The following CAMTA1 variants were observed in gnomAD, a reference collection of about 807,000 sequenced individuals.
The protein encoded by CAMTA1 is calmodulin binding transcription activator 1, also known as calmodulin-binding transcription activator 1.
CAMTA1 carries 27 observed loss-of-function variants against 170.9 expected under a neutral mutation model. That is an observed-to-expected ratio of 0.16 (90% CI 0.12 to 0.22). The LOEUF is 0.22. CAMTA1 is among the 10% of genes least tolerant of loss of function. The probability of loss-of-function intolerance (pLI) is 1.00; values close to 1 mark genes in which losing one functional copy is unlikely to be tolerated. For missense variants in CAMTA1, 1,619 were observed against 2,217.2 expected (o/e 0.73, Z 5.42); for synonymous variants, 833 against 891.5 (o/e 0.93, Z 1.17).
At chr1:6,875,353 G>A (rs574681505) in intron 3 of CAMTA1, among the ~76,000 whole-genome samples, 57 of 152,134 alleles carry the variant, frequency 3.7e-4, no homozygotes, top group East Asian at 1.4e-3. Flanking sequence ...GTGCAGTGGC[G>A]CGATCTCAGC....
At chr1:6,936,689 A>C (rs1685360165) in intron 3 of CAMTA1, among the ~76,000 whole-genome samples, 1 of 152,162 alleles carries the variant, frequency 6.6e-6, no homozygotes, top group South Asian at 2.1e-4. Flanking sequence ...ACCAGAAGTT[A>C]CTATAAACCA....
Position 7,545,884 on chromosome 1 carries a change from A to G in CAMTA1, c.510+77983A>G, listed in dbSNP as rs144029792. On this transcript the variant is annotated intron_variant, in intron 6 of 22. Coordinates refer to ENST00000303635, the MANE Select transcript of CAMTA1 (RefSeq NM_015215.4). ...CCCAGTGTGTGTTGTCCCCCCGGACATGTCCATGTGTTCTCATTGTTCAGC... is the reference window on the plus strand; with the variant it reads ...CCCAGTGTGTGTTGTCCCCCCGGACGTGTCCATGTGTTCTCATTGTTCAGC... 2.5e-3 allele frequency among the ~76,000 whole-genome samples: 357 copies of G among 143,050 alleles called. 5 individuals are homozygous for G. The East Asian group carries it at 0.031, about 13-fold the overall frequency. 93.8% of individuals were successfully genotyped at this position (143,050 alleles called of 152,430 possible). A position where few individuals can be genotyped will look rare whatever the true frequency, so the allele number is the denominator to read the frequency against.
intron 3 of CAMTA1, among the ~76,000 whole-genome samples, chr1:6,893,206 A>G (rs1186260552): frequency 6.6e-6 from 1 of 152,120 alleles, no homozygotes. Flanking sequence ...GGTTGCAGTC[A>G]GCCGAGATCG....
intron 3 of CAMTA1, among the ~76,000 whole-genome samples, chr1:6,870,587 G>A (rs1444929620): frequency 6.6e-6 from 1 of 152,146 alleles, no homozygotes; most frequent in Non-Finnish European, 1.5e-5. Context: ...TTGGAATTTA[G>A]TTTTAACAAG....
In CAMTA1 at chr1:7,286,914, C is replaced by T. The variant is rs997266078; in HGVS notation, c.438+37288C>T. 1.3e-5 allele frequency among the ~76,000 whole-genome samples: 2 copies of T among 152,280 alleles called. No homozygotes were observed. Among genetic ancestry groups the T allele is most frequent in the African/African-American group, 2.4e-5 (1 of 41,560 alleles). ...TTGTTATGGAGAGTTTAGCTCAGTGCCTTCCATCGACTTGACACTCAGTAA... is the reference window on the plus strand; with the variant it reads ...TTGTTATGGAGAGTTTAGCTCAGTGTCTTCCATCGACTTGACACTCAGTAA... On this transcript the variant is annotated intron_variant, in intron 5 of 22. Coordinates refer to ENST00000303635, the MANE Select transcript of CAMTA1 (RefSeq NM_015215.4). The surrounding 1 kb of genome is among the most constrained non-coding windows in gnomAD (Gnocchi z 4.2).
At chr1:7,135,883 A>G (rs1267405824) in intron 4 of CAMTA1, among the ~76,000 whole-genome samples, 2 of 152,180 alleles carry the variant, frequency 1.3e-5, no homozygotes, top group Non-Finnish European at 2.9e-5. Context: ...CCAACCTGGA[A>G]ATCTCAGTTG....
intron 6 of CAMTA1, among the ~76,000 whole-genome samples, chr1:7,571,415 C>T (rs909929843): frequency 6.6e-6 from 1 of 152,210 alleles, no homozygotes; most frequent in Admixed American, 6.5e-5. Flanking sequence ...GTTTGGCCTA[C>T]AGATTATTTC....
intron 4 of CAMTA1, among the ~76,000 whole-genome samples, chr1:7,213,588 A>G (rs986183488): frequency 7.2e-6 from 1 of 139,558 alleles, no homozygotes; most frequent in Non-Finnish European, 1.5e-5. Context: ...CAGAGCAAAT[A>G]TTTTTTTTCT....
chr1:7,304,836 A>AT (rs1337045273), intron 5 of CAMTA1, among the ~76,000 whole-genome samples: 3 of 151,666 alleles, frequency 2.0e-5, no homozygotes, highest in Non-Finnish European at 4.4e-5. Flanking sequence ...GCTTTTTAAT[A>AT]TTTTTTCTAG....
intron 6 of CAMTA1, among the ~76,000 whole-genome samples, chr1:7,587,323 C>T (rs1371994403): frequency 6.6e-6 from 1 of 152,038 alleles, no homozygotes; most frequent in African/African-American, 2.4e-5. Context: ...CACCCTTTCC[C>T]CACTTCTGGA....
intron 5 of CAMTA1, among the ~76,000 whole-genome samples, chr1:7,399,827 C>G (rs1312999548): frequency 6.6e-6 from 1 of 152,162 alleles, no homozygotes; most frequent in Admixed American, 6.5e-5. Flanking sequence ...AAGGTTTGTG[C>G]TGAGAAATCT....
At chr1:6,818,393 T>C (rs2148431730) in intron 1 of CAMTA1, among the ~76,000 whole-genome samples, 1 of 152,272 alleles carries the variant, frequency 6.6e-6, no homozygotes, top group Non-Finnish European at 1.5e-5. Flanking sequence ...TCCTGTTTGT[T>C]CTTAGAAAAT....
At position 7,013,491 on chromosome 1, in the gene CAMTA1, G is replaced by A. The variant is rs143789218; in HGVS notation, c.235-77813G>A. Among the ~76,000 whole-genome samples the A allele has an allele frequency of 5.1e-3, 783 of 152,238 alleles. 4 individuals are homozygous for A. Among genetic ancestry groups the A allele is most frequent in the Middle Eastern group, 0.014 (4 of 294 alleles). ...GTCTCTCAAAGTGCTGGGATTACAG[G>A]CGTGAGCCACCACACCTGGCCCCTT... On this transcript the variant is annotated intron_variant, in intron 3 of 22. Transcript: ENST00000303635.
intron 4 of CAMTA1, among the ~76,000 whole-genome samples, chr1:7,130,960 C>CTT (rs1026936946): frequency 6.9e-6 from 1 of 144,276 alleles, no homozygotes; most frequent in African/African-American, 2.5e-5. Context: ...CTTTTCTTTT[C>CTT]TTTTTTTTTT....
rs1350233647 is a variant in CAMTA1 at position 7,680,225 on chromosome 1, C to A, written c.2914+2492C>A. On this transcript the variant is annotated intron_variant, in intron 11 of 22. Transcript: ENST00000303635. The surrounding 1 kb of genome is among the most constrained non-coding windows in gnomAD (Gnocchi z 4.4). ...CAGTGGCCGGGCGGTGGTGAGCCTT[C>A]CGTTCCCCGCCTGTCCCTCCCGGCC... The A allele has an allele frequency of 3.7e-6, 1 of 269,140 alleles. No individual in the cohort carries two copies. The highest frequency in any genetic ancestry group is 8.1e-6 in the Non-Finnish European group (1 of 122,828). 16.7% of individuals were successfully genotyped at this position (269,140 alleles called of 1,614,324 possible).
At chr1:7,741,747 T>G (rs1174939015) in intron 16 of CAMTA1, among the ~76,000 whole-genome samples, 2 of 151,718 alleles carry the variant, frequency 1.3e-5, no homozygotes, top group Non-Finnish European at 2.9e-5. Flanking sequence ...ATACAAAAAT[T>G]AGCCAGGTGT....
At chr1:7,741,870 C>T (rs934873181) in intron 16 of CAMTA1, among the ~76,000 whole-genome samples, 3 of 151,560 alleles carry the variant, frequency 2.0e-5, no homozygotes, top group African/African-American at 7.3e-5. Flanking sequence ...ATCTCCTGAC[C>T]TTGTGATCTG....
At chr1:7,751,459 C>T (rs746082597) in intron 20 of CAMTA1, 67 bp downstream of exon 20, 166 of 1,398,030 alleles carry the variant, frequency 1.2e-4, no homozygotes, top group Non-Finnish European at 1.2e-4. Context: ...CTTTGAAAGA[C>T]TTGTCCTGGG....
chr1:7,654,956 A>G (rs2095874732), intron 7 of CAMTA1, among the ~76,000 whole-genome samples: 1 of 149,016 alleles, frequency 6.7e-6, no homozygotes, highest in African/African-American at 2.5e-5. Flanking sequence ...ATACACACAC[A>G]AACACACCCA....
Sources: allele counts gnomAD v4.1 joint callset (sites outside exome capture counted in the v4.1 genomes callset), GRCh38; gene constraint gnomAD v4.1.1; non-coding constraint Gnocchi (gnomAD v3.1); transcripts MANE v1.5; gene names NCBI Gene and HGNC (gene_info 2026-07-23, HGNC 2026-07-21).